The following XXYLT1 variants were observed in gnomAD, a reference collection of about 807,000 sequenced individuals.
The protein encoded by XXYLT1 is xyloside xylosyltransferase 1.
XXYLT1 carries 20 observed loss-of-function variants against 28.9 expected under a neutral mutation model. That is an observed-to-expected ratio of 0.69 (90% CI 0.49 to 1.00). The LOEUF is 1.00. XXYLT1 is among the 50% of genes least tolerant of loss of function. XXYLT1 has a pLI of 0.00. For missense variants in XXYLT1, 542 were observed against 560.1 expected (o/e 0.97, Z 0.33); for synonymous variants, 257 against 253.8 (o/e 1.01, Z -0.12).
intron 2 of XXYLT1, among the ~76,000 whole-genome samples, chr3:195,164,947 G>A (rs1242939495): frequency 2.6e-5 from 4 of 151,938 alleles, no homozygotes; most frequent in African/African-American, 4.8e-5. Context: ...GAAATGTGTG[G>A]GGACTTCTGC....
intron 1 of XXYLT1, among the ~76,000 whole-genome samples, chr3:195,264,688 G>A (rs1431823684): frequency 2.0e-5 from 3 of 152,202 alleles, no homozygotes; most frequent in Non-Finnish European, 4.4e-5. Context: ...CTGTTCACAA[G>A]TACCTAGAAC....
chr3:195,128,432 T>C (rs11715822), intron 3 of XXYLT1, among the ~76,000 whole-genome samples: 3,548 of 152,220 alleles, frequency 0.023, 64 homozygotes, highest in Non-Finnish European at 0.036. Flanking sequence ...ATGCAACCAA[T>C]GTCAACATCC....
intron 2 of XXYLT1, among the ~76,000 whole-genome samples, chr3:195,174,484 G>T (rs1299603331): frequency 1.3e-5 from 2 of 152,010 alleles, no homozygotes; most frequent in East Asian, 3.9e-4. Flanking sequence ...GACCACAGGT[G>T]CACACCACTA....
chr3:195,270,858 C>G lies in XXYLT1; in HGVS notation c.201G>C (p.Ser67=). The G allele has an allele frequency of 7.1e-7, 1 of 1,399,384 alleles. No individual in the cohort carries two copies. The highest frequency in any genetic ancestry group is 9.3e-7 in the Non-Finnish European group (1 of 1,080,300). 86.7% of individuals were successfully genotyped at this position (1,399,384 alleles called of 1,614,324 possible). ...CCCGCGCTAGCTCCAGCGCGGGCGGCGAGGGCGCGGCGGGAGCCCCGGCGC... is the reference window on the plus strand; with the variant it reads ...CCCGCGCTAGCTCCAGCGCGGGCGGGGAGGGCGCGGCGGGAGCCCCGGCGC... ...EARAGAPAAP[S]PPALELARGS... The change falls in exon 1 of 4, where the codon TCG becomes TCC. Residue 67 remains serine, a synonymous_variant. Coordinates refer to ENST00000310380, the MANE Select transcript of XXYLT1 (RefSeq NM_152531.5).
intron 3 of XXYLT1, among the ~76,000 whole-genome samples, chr3:195,134,829 GTGTGT>G (rs532935410): frequency 2.4e-3 from 46 of 18,786 alleles, no homozygotes; most frequent in East Asian, 6.0e-3. Context: ...GAAGAGGGGT[GTGTGT>G]GTGTGTGTGT....
At chr3:195,264,099 G>A (rs1725770486) in intron 1 of XXYLT1, among the ~76,000 whole-genome samples, 1 of 152,154 alleles carries the variant, frequency 6.6e-6, no homozygotes, top group Admixed American at 6.5e-5. Context: ...CCTGCAGGGA[G>A]GCAAGCAGCT....
chr3:195,099,830 CAAAAAA>C (rs35428286), intron 3 of XXYLT1, among the ~76,000 whole-genome samples: 11,239 of 97,478 alleles, frequency 0.12, 997 homozygotes, highest in East Asian at 0.3. Flanking sequence ...GACTCTGTCT[CAAAAAA>C]AAAAAAAAAA....
At chr3:195,175,837 C>A in intron 2 of XXYLT1, 1 of 1,405,846 alleles carries the variant, frequency 7.1e-7, no homozygotes, top group Non-Finnish European at 9.2e-7. Flanking sequence ...CGAGTCACTG[C>A]TTAAAAGGAA....
intron 3 of XXYLT1, among the ~76,000 whole-genome samples, chr3:195,104,493 G>A (rs1007551751): frequency 6.6e-6 from 1 of 152,180 alleles, no homozygotes; most frequent in Non-Finnish European, 1.5e-5. Context: ...CTGGGAAAGG[G>A]TATGTGAGAT....
chr3:195,162,957 T>A (rs1323512460), intron 2 of XXYLT1, among the ~76,000 whole-genome samples: 1 of 152,236 alleles, frequency 6.6e-6, no homozygotes, highest in African/African-American at 2.4e-5. Context: ...GGCCTTTCCA[T>A]AGTTCACATC....
chr3:195,110,297 GT>G lies in XXYLT1; in HGVS notation c.786-40187del, dbSNP rs1560100689. Among the ~76,000 whole-genome samples, 17 of 12,306 alleles carry G rather than the reference GT, an allele frequency of 1.4e-3. 3 individuals carry two copies. Among genetic ancestry groups the G allele is most frequent in the African/African-American group, 3.0e-3 (10 of 3,344 alleles). 8.1% of individuals were successfully genotyped at this position (12,306 alleles called of 152,430 possible). A position where few individuals can be genotyped will look rare whatever the true frequency, so the allele number is the denominator to read the frequency against. The stretch of plus-strand genomic sequence containing the variant: ...GTGTGTGTGGGGTGTATGTGTGCGT[GT>G]GTGGTATATGTGTGTGTGGGTGAGG... On this transcript the variant is annotated intron_variant, in intron 3 of 3. Coordinates refer to ENST00000310380, the MANE Select transcript of XXYLT1 (RefSeq NM_152531.5).
In XXYLT1 at chr3:195,106,319, T is replaced by C. The variant is rs137985911; in HGVS notation, c.786-36208A>G. ...AGAGATGCTCTTGTTGTGTTTTTGATGGAGAGATGCTCTTGTTGTGTTTTT... is the reference window on the plus strand; with the variant it reads ...AGAGATGCTCTTGTTGTGTTTTTGACGGAGAGATGCTCTTGTTGTGTTTTT... On this transcript the variant is annotated intron_variant, in intron 3 of 3. Coordinates refer to ENST00000310380, the MANE Select transcript of XXYLT1 (RefSeq NM_152531.5). Among the ~76,000 whole-genome samples the C allele has an allele frequency of 7.3e-5, 11 of 149,714 alleles. No individual in the cohort carries two copies. In the East Asian group the frequency reaches 7.8e-4, roughly 11 times the overall value.
At chr3:195,157,776 A>C (rs576099307) in intron 2 of XXYLT1, among the ~76,000 whole-genome samples, 1 of 152,218 alleles carries the variant, frequency 6.6e-6, no homozygotes, top group Non-Finnish European at 1.5e-5. Context: ...TCAATGATGA[A>C]GCAGCGAGAG....
intron 3 of XXYLT1, among the ~76,000 whole-genome samples, chr3:195,098,338 G>T (rs536464843): frequency 2.3e-3 from 344 of 152,280 alleles, no homozygotes; most frequent in Non-Finnish European, 3.8e-3. Flanking sequence ...TGGATCACGA[G>T]GTCAGAAGAT....
rs1335506802 is a variant in XXYLT1 at position 195,180,907 on chromosome 3, C to T, written c.653-24326G>A. On this transcript the variant is annotated intron_variant, in intron 2 of 3. Transcript: ENST00000310380. This position sits in a 1 kb window ranked among gnomAD's most constrained non-coding sequence, Gnocchi z 5.8. ...ACAAAAGTAAGTGGTATGGTTCATCCCTTCTTGGCTAATGAGGTTTGACCA... is the reference window on the plus strand; with the variant it reads ...ACAAAAGTAAGTGGTATGGTTCATCTCTTCTTGGCTAATGAGGTTTGACCA... Among the ~76,000 whole-genome samples, 1 of 152,180 alleles carries T rather than the reference C, an allele frequency of 6.6e-6. No individual in the cohort carries two copies. The highest frequency in any genetic ancestry group is 1.5e-5 in the Non-Finnish European group (1 of 68,044).
At chr3:195,199,482 G>A (rs1197035137) in intron 2 of XXYLT1, among the ~76,000 whole-genome samples, 2 of 151,996 alleles carry the variant, frequency 1.3e-5, no homozygotes, top group Non-Finnish European at 2.9e-5. Context: ...ATGGTGGTGG[G>A]CGCCTGTAGT....
intron 3 of XXYLT1, among the ~76,000 whole-genome samples, chr3:195,083,902 C>T (rs1232725736): frequency 1.3e-5 from 2 of 152,126 alleles, no homozygotes; most frequent in Admixed American, 6.5e-5. Flanking sequence ...GGCAGGCACC[C>T]GTAGTCCCAG....
At chr3:195,153,768 A>G (rs1720407937) in intron 3 of XXYLT1, 1 of 152,246 alleles carries the variant, frequency 6.6e-6, no homozygotes, top group Admixed American at 6.5e-5. Flanking sequence ...TTCCATTTAT[A>G]TCACATGAGA....
At chr3:195,204,993 G>C (rs1474392547) in intron 2 of XXYLT1, among the ~76,000 whole-genome samples, 1 of 152,226 alleles carries the variant, frequency 6.6e-6, no homozygotes, top group Non-Finnish European at 1.5e-5. Context: ...TCAGAAAATA[G>C]AGGTGGAGGG....
Sources: allele counts gnomAD v4.1 joint callset (sites outside exome capture counted in the v4.1 genomes callset), GRCh38; gene constraint gnomAD v4.1.1; non-coding constraint Gnocchi (gnomAD v3.1); transcripts MANE v1.5; gene names NCBI Gene and HGNC (gene_info 2026-07-23, HGNC 2026-07-21).